FAM163B: variants seen among roughly 807,000 people sequenced by gnomAD.
The protein encoded by FAM163B is family with sequence similarity 163 member B, also known as protein FAM163B.
Under a neutral mutation model 7.6 loss-of-function variants are expected in FAM163B, and 4 were observed. The observed-to-expected ratio is 0.52, with a 90% CI of 0.26 to 1.20. The LOEUF is 1.20. Ranked by LOEUF, FAM163B falls within the 50% of genes most tolerant of loss-of-function variation. The pLI is 0.14. For synonymous variants in FAM163B, 120 were observed against 111.6 expected (o/e 1.07, Z -0.47); for missense variants, 250 against 243.0 (o/e 1.03, Z -0.19).
At chr9:133,592,676 C>T (rs770524976) in intron 1 of FAM163B, among the ~76,000 whole-genome samples, 1 of 152,250 alleles carries the variant, frequency 6.6e-6, no homozygotes. Context: ...AACTACCAGT[C>T]TGTGTCTCCC....
At chr9:133,608,405 G>C (rs774157186) in intron 1 of FAM163B, among the ~76,000 whole-genome samples, 6 of 151,786 alleles carry the variant, frequency 4.0e-5, no homozygotes, top group Non-Finnish European at 7.4e-5. Context: ...TTGGTGTGTA[G>C]AGTCTTTTCT....
rs1831822879 is a variant in FAM163B, at chr9:133,609,105, G to A, written c.-52C>T. On this transcript the variant is annotated 5_prime_UTR_variant, in exon 1 of 3. Transcript: ENST00000673969. ...GAAGCATGGGAACCGCGCTGCCCCG[G>A]CCGCGAGGACTTGGGCGCACGTGAC... is the stretch of plus-strand genomic sequence containing the variant. Among the ~76,000 whole-genome samples the A allele has an allele frequency of 6.6e-6, 1 of 152,174 alleles. No homozygotes were observed. Among genetic ancestry groups the A allele is most frequent in the Non-Finnish European group, 1.5e-5 (1 of 68,012 alleles).
rs113641726 is a variant in FAM163B at position 133,579,094 on chromosome 9, C to A, written c.429G>T (p.Ala143=). ...TGGCTGAGAGGCGGTTGGGGTTGAGCGCCTGCAGGCCCCCGAAGCCCCCCG... is the reference window on the plus strand; with the variant it reads ...TGGCTGAGAGGCGGTTGGGGTTGAGAGCCTGCAGGCCCCCGAAGCCCCCCG... The part of the protein sequence containing the change: ...LPPGGFGGLQ[A]LNPNRLSAMR... Residue 143 remains alanine, a synonymous_variant, in exon 3 of 3, where the codon GCG becomes GCT. Coordinates refer to ENST00000673969, the MANE Select transcript of FAM163B (RefSeq NM_001080515.3). The A allele has an allele frequency of 4.1e-3, 6,624 of 1,596,254 alleles. 198 individuals carry two copies. The African/African-American group carries it at 0.069, about 17-fold the overall frequency.
intron 2 of FAM163B, 120 bp from the exon 3 acceptor site, chr9:133,579,549 G>A: frequency 7.9e-7 from 1 of 1,269,038 alleles, no homozygotes; most frequent in Non-Finnish European, 1.1e-6. Context: ...GGTGGCCCAA[G>A]CCCAGGCCTG....
intron 1 of FAM163B, among the ~76,000 whole-genome samples, chr9:133,592,433 GTCCACCCCAC>G (rs1413561416): frequency 3.3e-5 from 5 of 152,176 alleles, no homozygotes; most frequent in Admixed American, 3.3e-4. Flanking sequence ...AGCCACTAAT[GTCCACCCCAC>G]TGGTCAGGTG....
rs1831731313 is a variant in FAM163B, at chr9:133,601,618, TC to T, written c.-24+7458del. On this transcript the variant is annotated intron_variant, in intron 1 of 2. Coordinates refer to ENST00000673969, the MANE Select transcript of FAM163B (RefSeq NM_001080515.3). This position sits in a 1 kb window ranked among gnomAD's most constrained non-coding sequence, Gnocchi z 4.1. ...GACTGCTCCTACACGCTGGCTTGCT[TC>T]CCATTTCTGGAACACTGCAAGTCCC... 6.6e-6 allele frequency among the ~76,000 whole-genome samples: 1 copy of T among 152,186 alleles called. No homozygotes were observed. The highest frequency in any genetic ancestry group is 2.1e-4 in the South Asian group (1 of 4,824).
intron 1 of FAM163B, among the ~76,000 whole-genome samples, chr9:133,608,039 G>A (rs1321782906): frequency 6.6e-6 from 1 of 152,232 alleles, no homozygotes; most frequent in East Asian, 1.9e-4. Context: ...CTTTTTGGGG[G>A]TTGGTAATTA....
chr9:133,601,220 G>C lies in FAM163B; in HGVS notation c.-24+7857C>G, dbSNP rs1831725137. 1.3e-5 allele frequency among the ~76,000 whole-genome samples: 2 copies of C among 152,218 alleles called. No homozygotes were observed. Among genetic ancestry groups the C allele is most frequent in the Admixed American group, 1.3e-4 (2 of 15,280 alleles). On this transcript the variant is annotated intron_variant, in intron 1 of 2. Coordinates refer to ENST00000673969, the MANE Select transcript of FAM163B (RefSeq NM_001080515.3). The surrounding 1 kb of genome is among the most constrained non-coding windows in gnomAD (Gnocchi z 4.1). ...CTTCCTGAGCCTCTGAGCTCTCTGG[G>C]CAGGGCGCGCCTTTGGAGCCGACTC...
chr9:133,593,589 C>A (rs930999302), intron 1 of FAM163B, among the ~76,000 whole-genome samples: 24 of 152,218 alleles, frequency 1.6e-4, no homozygotes, highest in Admixed American at 3.3e-4. Flanking sequence ...AGGCAGGAAT[C>A]CAGACTCTCC....
intron 1 of FAM163B, among the ~76,000 whole-genome samples, chr9:133,605,589 C>T (rs1831780160): frequency 1.3e-5 from 2 of 152,194 alleles, no homozygotes; most frequent in Non-Finnish European, 2.9e-5. Context: ...GGACGGCTCC[C>T]CGAGGGCTGA....
In FAM163B at chr9:133,577,808, T is replaced by C. The variant is rs2131202961; in HGVS notation, c.*1214A>G. ...GTGGGGCATTTCTCTGGGGTAGCCATTGACGTCATTTCCTTAGCAGCAGGA... is the reference window on the plus strand; with the variant it reads ...GTGGGGCATTTCTCTGGGGTAGCCACTGACGTCATTTCCTTAGCAGCAGGA... On this transcript the variant is annotated 3_prime_UTR_variant, in exon 3 of 3. Coordinates refer to ENST00000673969, the MANE Select transcript of FAM163B (RefSeq NM_001080515.3). 6.6e-6 allele frequency among the ~76,000 whole-genome samples: 1 copy of C among 152,300 alleles called. No homozygotes were observed. Among genetic ancestry groups the C allele is most frequent in the East Asian group, 1.9e-4 (1 of 5,174 alleles).
At chr9:133,602,408 G>C (rs1434759854) in intron 1 of FAM163B, among the ~76,000 whole-genome samples, 2 of 38,244 alleles carry the variant, frequency 5.2e-5, no homozygotes, top group Admixed American at 7.1e-4. Flanking sequence ...CATCTGGCTG[G>C]TTCTGTGGAC....
intron 1 of FAM163B, 110 bp from the exon 2 acceptor site, chr9:133,580,356 G>T: frequency 1.2e-6 from 1 of 835,218 alleles, no homozygotes; most frequent in Non-Finnish European, 1.9e-6. Context: ...AGCACCCCAG[G>T]ATGTGCCTGT....
chr9:133,591,138 T>G (rs1281836359), intron 1 of FAM163B, among the ~76,000 whole-genome samples: 2 of 152,138 alleles, frequency 1.3e-5, no homozygotes, highest in Non-Finnish European at 2.9e-5. Context: ...TGGGTCTACC[T>G]TGCACTGCCA....
At chr9:133,604,970 C>T (rs1464322994) in intron 1 of FAM163B, among the ~76,000 whole-genome samples, 1 of 152,236 alleles carries the variant, frequency 6.6e-6, no homozygotes, top group Admixed American at 6.5e-5. Context: ...TGGACCTCCT[C>T]GTGAGGAACG....
chr9:133,583,679 A>C (rs908803321), intron 1 of FAM163B, among the ~76,000 whole-genome samples: 4 of 152,214 alleles, frequency 2.6e-5, no homozygotes, highest in African/African-American at 9.7e-5. Flanking sequence ...GCCTGGCTGC[A>C]GCTCCTCTGG....
intron 1 of FAM163B, among the ~76,000 whole-genome samples, chr9:133,594,154 T>A (rs1831596672): frequency 6.6e-6 from 1 of 152,240 alleles, no homozygotes; most frequent in South Asian, 2.1e-4. Flanking sequence ...AGCTGTGCTC[T>A]CGGAATAGTG....
chr9:133,602,281 T>C (rs1276270994), intron 1 of FAM163B, among the ~76,000 whole-genome samples: 1 of 152,184 alleles, frequency 6.6e-6, no homozygotes, highest in Non-Finnish European at 1.5e-5. Context: ...CCCATGTTCA[T>C]AGACCAGGAA....
intron 1 of FAM163B, among the ~76,000 whole-genome samples, chr9:133,583,055 A>G (rs1272232779): frequency 6.6e-6 from 1 of 152,120 alleles, no homozygotes; most frequent in Non-Finnish European, 1.5e-5. Context: ...TGCTATTTGC[A>G]CCCAGGTAAT....
Sources: allele counts gnomAD v4.1 joint callset (sites outside exome capture counted in the v4.1 genomes callset), GRCh38; gene constraint gnomAD v4.1.1; non-coding constraint Gnocchi (gnomAD v3.1); transcripts MANE v1.5; gene names NCBI Gene and HGNC (gene_info 2026-07-23, HGNC 2026-07-21).